LDLRAD4: variants seen among roughly 807,000 people sequenced by gnomAD.
The protein encoded by LDLRAD4 is low density lipoprotein receptor class A domain containing 4, also known as low-density lipoprotein receptor class A domain-containing protein 4.
LDLRAD4 carries 5 observed loss-of-function variants against 17.0 expected under a neutral mutation model. The observed-to-expected ratio is 0.29, with a 90% CI of 0.15 to 0.62. LDLRAD4 has a LOEUF of 0.62. LDLRAD4 is among the 20% of genes least tolerant of loss of function. The probability of loss-of-function intolerance (pLI) is 0.84; values close to 1 mark genes in which losing one functional copy is unlikely to be tolerated. For synonymous variants in LDLRAD4, 168 were observed against 171.8 expected (o/e 0.98, Z 0.17); for missense variants, 340 against 424.7 (o/e 0.80, Z 1.75).
intron 1 of LDLRAD4, among the ~76,000 whole-genome samples, chr18:13,225,400 A>C (rs2041728944): frequency 6.6e-6 from 1 of 152,210 alleles, no homozygotes. Flanking sequence ...ACCCCTATGT[A>C]GATACTACCA....
intron 3 of LDLRAD4, among the ~76,000 whole-genome samples, chr18:13,598,514 C>G (rs1016830150): frequency 2.6e-5 from 4 of 152,212 alleles, no homozygotes; most frequent in Admixed American, 6.5e-5. Flanking sequence ...CATTTTTGAT[C>G]TAGCCTTTGA....
At chr18:13,458,233 A>G (rs1210937794) in intron 3 of LDLRAD4, among the ~76,000 whole-genome samples, 1 of 152,208 alleles carries the variant, frequency 6.6e-6, no homozygotes, top group African/African-American at 2.4e-5. Flanking sequence ...ACTCTGCGTG[A>G]TGAGGATTCA....
intron 3 of LDLRAD4, among the ~76,000 whole-genome samples, chr18:13,492,946 G>C (rs1171173262): frequency 6.6e-6 from 1 of 152,026 alleles, no homozygotes; most frequent in African/African-American, 2.4e-5. Context: ...GCAAGACCCT[G>C]TCTTCACAAA....
At chr18:13,319,192 G>T (rs1010082523) in intron 1 of LDLRAD4, among the ~76,000 whole-genome samples, 1 of 152,180 alleles carries the variant, frequency 6.6e-6, no homozygotes, top group Non-Finnish European at 1.5e-5. Flanking sequence ...GGCACCTTTT[G>T]CTCATGTGGA....
chr18:13,649,935 G>C (rs1424186386), exon 6 of LDLRAD4: 4 of 397,440 alleles, frequency 1.0e-5, no homozygotes, highest in Admixed American at 4.4e-5. Flanking sequence ...ACAATTGAAT[G>C]ACAGGTGGGC....
rs1313862374 is a variant in LDLRAD4 at position 13,621,148 on chromosome 18, C to T, written c.213C>T (p.Ile71=). The T allele has an allele frequency of 1.1e-5, 17 of 1,614,082 alleles. No homozygotes were observed. Among genetic ancestry groups the T allele is most frequent in the East Asian group, 2.2e-5 (1 of 44,892 alleles). ...TGGAGTTCGCCCAAATCATCATCAT[C>T]GTCGTGGTGGTCACGGTGATGGTGG... Residue 71 remains isoleucine (I), a synonymous_variant, in exon 4 of 6, where the codon ATC becomes ATT. Transcript: ENST00000359446. This position sits in a 1 kb window ranked among gnomAD's most constrained non-coding sequence, Gnocchi z 5.5.
At chr18:13,455,589 C>T (rs1309125619) in intron 3 of LDLRAD4, among the ~76,000 whole-genome samples, 1 of 152,106 alleles carries the variant, frequency 6.6e-6, no homozygotes, top group East Asian at 1.9e-4. Context: ...GTCGTCATTC[C>T]CTCTGATGAG....
chr18:13,528,443 G>A (rs1780574623), intron 3 of LDLRAD4, among the ~76,000 whole-genome samples: 1 of 152,188 alleles, frequency 6.6e-6, no homozygotes, highest in Non-Finnish European at 1.5e-5. Context: ...CTCCTGAGTA[G>A]CTGGGATTAC....
intron 1 of LDLRAD4, among the ~76,000 whole-genome samples, chr18:13,368,430 G>A (rs1346789516): frequency 6.6e-6 from 1 of 152,206 alleles, no homozygotes; most frequent in Non-Finnish European, 1.5e-5. Context: ...TGCTTTCTGT[G>A]TAGGGAGCTG....
chr18:13,642,872 G>A (rs1218251717), intron 4 of LDLRAD4: 5 of 526,626 alleles, frequency 9.5e-6, no homozygotes, highest in Non-Finnish European at 1.5e-5. Context: ...AAAAGGGACG[G>A]GCTCTTTCTC....
At chr18:13,558,286 G>C (rs1275839157) in intron 3 of LDLRAD4, among the ~76,000 whole-genome samples, 1 of 152,206 alleles carries the variant, frequency 6.6e-6, no homozygotes, top group Non-Finnish European at 1.5e-5. Context: ...GACATGATGG[G>C]TTCTGAAGAC....
chr18:13,557,278 A>G lies in LDLRAD4; in HGVS notation c.182-63839A>G, dbSNP rs2094493635. 2.0e-5 allele frequency among the ~76,000 whole-genome samples: 3 copies of G among 148,660 alleles called. No individual in the cohort carries two copies. The South Asian group carries it at 6.8e-4, about 34-fold the overall frequency. ...ACAACACTGTGCTCCAGCCTGGGTG[A>G]CAGAGTGAGATCCTGTCTCAAAAGA... is the stretch of plus-strand genomic sequence containing the variant. On this transcript the variant is annotated intron_variant, in intron 3 of 5. Transcript: ENST00000359446.
chr18:13,543,837 G>A (rs940857264), intron 3 of LDLRAD4, among the ~76,000 whole-genome samples: 1 of 152,192 alleles, frequency 6.6e-6, no homozygotes, highest in Admixed American at 6.5e-5. Context: ...AAGGAAAAAC[G>A]ACCGCCAACG....
rs2090980401 is a variant in LDLRAD4, at chr18:13,440,878, A to G, written c.181+2494A>G. On this transcript the variant is annotated intron_variant, in intron 3 of 5. Coordinates refer to ENST00000359446, the Ensembl canonical transcript of LDLRAD4. The surrounding 1 kb of genome is among the most constrained non-coding windows in gnomAD (Gnocchi z 4.4). ...GGAATTCACGGGTGTCCACAAGTGCACTTGCCCAGTGATCCTGGATGATTC... is the reference window on the plus strand; with the variant it reads ...GGAATTCACGGGTGTCCACAAGTGCGCTTGCCCAGTGATCCTGGATGATTC... Among the ~76,000 whole-genome samples, 1 of 152,174 alleles carries G rather than the reference A, an allele frequency of 6.6e-6. No individual in the cohort carries two copies. Among genetic ancestry groups the G allele is most frequent in the Non-Finnish European group, 1.5e-5 (1 of 68,038 alleles).
At chr18:13,424,696 T>C (rs1255775912) in intron 2 of LDLRAD4, among the ~76,000 whole-genome samples, 1 of 152,170 alleles carries the variant, frequency 6.6e-6, no homozygotes, top group Non-Finnish European at 1.5e-5. Context: ...CTGTTTTTGT[T>C]TTTTGCTAAA....
intron 4 of LDLRAD4, among the ~76,000 whole-genome samples, chr18:13,635,737 A>G (rs772140920): frequency 6.6e-6 from 1 of 152,194 alleles, no homozygotes; most frequent in African/African-American, 2.4e-5. Flanking sequence ...TCCCTTTTCC[A>G]TAGATATAGG....
intron 3 of LDLRAD4, among the ~76,000 whole-genome samples, chr18:13,540,455 A>G (rs1459538253): frequency 2.0e-5 from 3 of 151,364 alleles, no homozygotes; most frequent in Non-Finnish European, 4.4e-5. Context: ...AATGCATCCT[A>G]TATAACCTTT....
intron 3 of LDLRAD4, among the ~76,000 whole-genome samples, chr18:13,584,957 G>A (rs1385671994): frequency 2.0e-5 from 3 of 152,192 alleles, no homozygotes; most frequent in Non-Finnish European, 2.9e-5. Flanking sequence ...CTTATCCTTC[G>A]GTTCCACTGC....
chr18:13,375,774 G>T (rs1384243059), intron 1 of LDLRAD4, among the ~76,000 whole-genome samples: 1 of 152,080 alleles, frequency 6.6e-6, no homozygotes, highest in African/African-American at 2.4e-5. Flanking sequence ...CTTCCTCCCT[G>T]CCAGGGAGCC....
Sources: gnomAD v4.1 joint callset for allele counts (sites outside exome capture counted in the v4.1 genomes callset) on GRCh38, gnomAD v4.1.1 for gene constraint, Gnocchi (gnomAD v3.1) non-coding constraint, MANE v1.5 for transcripts, NCBI Gene and HGNC (gene_info 2026-07-23, HGNC 2026-07-21) for gene names.